The following ALCAM variants were observed in gnomAD, a reference collection of about 807,000 sequenced individuals.
ALCAM encodes activated leukocyte cell adhesion molecule, also known as CD166 antigen.
A neutral mutation model predicts 70.9 loss-of-function variants in ALCAM; 30 were observed. That is an observed-to-expected ratio of 0.42 (90% CI 0.32 to 0.57). The LOEUF (loss-of-function observed/expected upper bound fraction) is 0.57, where lower values mean the gene tolerates loss of function less well. Ranked by LOEUF, ALCAM falls within the 20% of genes least tolerant of loss-of-function variation. ALCAM has a pLI of 0.11. For synonymous variants in ALCAM, 249 were observed against 242.5 expected (o/e 1.03, Z -0.25); for missense variants, 591 against 695.1 (o/e 0.85, Z 1.68).
At position 105,547,046 on chromosome 3, in the gene ALCAM, A is replaced by G. The variant is rs1193359310; in HGVS notation, c.1105-103A>G. ...AGTTAAGAAAAAGAAGTTTGCATTT[A>G]TATTATTCCCAGAAGAATTGTTTTA... On this transcript the variant is annotated intron_variant, in intron 9 of 15. Transcript: ENST00000306107. The G allele has an allele frequency of 8.1e-6, 8 of 981,742 alleles. No homozygotes were observed. In the East Asian group the frequency reaches 2.0e-4, roughly 24 times the overall value. The allele number at this position is 981,742 out of a possible 1,614,324, so 60.8% of individuals were successfully genotyped here.
chr3:105,463,730 G>A (rs1937640053), intron 1 of ALCAM, among the ~76,000 whole-genome samples: 1 of 151,382 alleles, frequency 6.6e-6, no homozygotes, highest in East Asian at 1.9e-4. Flanking sequence ...CCCAGTGAAT[G>A]TGTTATAAAA....
At chr3:105,416,954 G>C (rs1207425618) in intron 1 of ALCAM, among the ~76,000 whole-genome samples, 1 of 151,866 alleles carries the variant, frequency 6.6e-6, no homozygotes, top group Non-Finnish European at 1.5e-5. Flanking sequence ...AAATGTCTCA[G>C]TAGCCTCTCA....
chr3:105,558,572 C>G lies in ALCAM; in HGVS notation c.1664+5987C>G, dbSNP rs925976851. 2.0e-5 allele frequency among the ~76,000 whole-genome samples: 3 copies of G among 152,090 alleles called. No homozygotes were observed. The East Asian group carries it at 5.8e-4, about 29-fold the overall frequency. ...GGGATACCCCCAAAGCAGTCCCCTACCCCTTTTGAGATTTCAAAACAAGTG... is the reference window on the plus strand; with the variant it reads ...GGGATACCCCCAAAGCAGTCCCCTAGCCCTTTTGAGATTTCAAAACAAGTG... On this transcript the variant is annotated intron_variant, in intron 14 of 15. Coordinates refer to ENST00000306107, the MANE Select transcript of ALCAM (RefSeq NM_001627.4).
rs772811599 is a variant in ALCAM at position 105,547,512 on chromosome 3, G to A, written c.1363G>A (p.Val455Ile). 33 of 1,606,706 alleles carry A rather than the reference G, an allele frequency of 2.1e-5. No homozygotes were observed. The highest frequency in any genetic ancestry group is 5.4e-5 in the African/African-American group (4 of 74,276). Residue 455 changes from valine (V) to isoleucine (I), a missense_variant, in exon 11 of 16, where the codon GTC (valine) becomes ATC (isoleucine). Transcript: ENST00000306107. ...ATGGACAATTACTGGCAGTGGAAGC[G>A]TCATAAACCAAGCAAGTATTTGTCT... ...IQWTITGSGS[V>I]INQTEESPYI...
At chr3:105,457,871 C>T (rs1004628544) in intron 1 of ALCAM, among the ~76,000 whole-genome samples, 2 of 152,122 alleles carry the variant, frequency 1.3e-5, no homozygotes, top group African/African-American at 4.8e-5. Flanking sequence ...CCACCACTCT[C>T]CACCTGGCTA....
At chr3:105,407,834 A>G (rs931413656) in intron 1 of ALCAM, among the ~76,000 whole-genome samples, 2 of 152,144 alleles carry the variant, frequency 1.3e-5, no homozygotes, top group African/African-American at 4.8e-5. Context: ...TTAAGATCCT[A>G]GAACTGGTAA....
At chr3:105,526,799 G>A (rs977368920) in intron 3 of ALCAM, among the ~76,000 whole-genome samples, 2 of 152,132 alleles carry the variant, frequency 1.3e-5, no homozygotes, top group African/African-American at 4.8e-5. Context: ...TTCATTCTCT[G>A]CATGTGTATA....
chr3:105,507,168 G>A (rs181083055), intron 1 of ALCAM, among the ~76,000 whole-genome samples: 23 of 152,126 alleles, frequency 1.5e-4, no homozygotes, highest in Admixed American at 3.9e-4. Context: ...ATATAGGCCC[G>A]CAATTCCCTG....
At chr3:105,425,015 C>T (rs907020665) in intron 1 of ALCAM, among the ~76,000 whole-genome samples, 1 of 151,614 alleles carries the variant, frequency 6.6e-6, no homozygotes, top group Non-Finnish European at 1.5e-5. Context: ...GGTCCTTACT[C>T]TCAATTTCAC....
At chr3:105,476,629 A>C (rs371181551) in intron 1 of ALCAM, among the ~76,000 whole-genome samples, 80 of 152,204 alleles carry the variant, frequency 5.3e-4, no homozygotes, top group African/African-American at 1.4e-3. Context: ...CAAACAACAA[A>C]AAAAAATCCT....
Position 105,521,307 on chromosome 3 carries a change from CAAAAAAA to C in ALCAM, c.174+1159_174+1165del, listed in dbSNP as rs3996196. Among the ~76,000 whole-genome samples the C allele has an allele frequency of 9.7e-4, 76 of 78,146 alleles. 1 individual carries two copies. The highest frequency in any genetic ancestry group is 1.5e-3 in the Admixed American group (9 of 5,950). The allele number at this position is 78,146 out of a possible 152,430, so 51.3% of individuals were successfully genotyped here. Reference sequence around the variant, plus strand: ...TGGGCGACAGAGCGAGACTCCGTCTCAAAAAAAAAAAAAAAAAAAAAAAAAGTTTATT... The same window carrying C: ...TGGGCGACAGAGCGAGACTCCGTCTCAAAAAAAAAAAAAAAAAAGTTTATT... On this transcript the variant is annotated intron_variant, in intron 2 of 15. Coordinates refer to ENST00000306107, the MANE Select transcript of ALCAM (RefSeq NM_001627.4).
chr3:105,490,092 T>TA (rs1387784012), intron 1 of ALCAM, among the ~76,000 whole-genome samples: 8 of 152,322 alleles, frequency 5.3e-5, no homozygotes, highest in East Asian at 1.9e-4. Flanking sequence ...GAAGTGAGGC[T>TA]AAAAAAATGT....
intron 1 of ALCAM, among the ~76,000 whole-genome samples, chr3:105,510,628 C>T (rs1939211541): frequency 6.6e-6 from 1 of 151,982 alleles, no homozygotes; most frequent in Non-Finnish European, 1.5e-5. Context: ...TGTGGGAAAC[C>T]ATCTGAGAGC....
intron 1 of ALCAM, among the ~76,000 whole-genome samples, chr3:105,445,795 G>C (rs957504225): frequency 2.0e-5 from 3 of 152,204 alleles, no homozygotes; most frequent in Non-Finnish European, 4.4e-5. Context: ...AATGAAGCTA[G>C]ACCTCTATCT....
chr3:105,531,669 A>G (rs1939842627), intron 3 of ALCAM, among the ~76,000 whole-genome samples: 1 of 151,944 alleles, frequency 6.6e-6, no homozygotes, highest in South Asian at 2.1e-4. Context: ...AGAAGTGCTC[A>G]TGGTAATCAA....
chr3:105,389,375 T>TTTG (rs1288604239), intron 1 of ALCAM, among the ~76,000 whole-genome samples: 9 of 125,544 alleles, frequency 7.2e-5, no homozygotes, highest in East Asian at 2.5e-4. Flanking sequence ...TACATAGTTT[T>TTTG]TTTTTTTTTT....
chr3:105,526,929 A>G (rs1227840038), intron 3 of ALCAM, among the ~76,000 whole-genome samples: 1 of 152,206 alleles, frequency 6.6e-6, no homozygotes, highest in Non-Finnish European at 1.5e-5. Context: ...AGCCAGTCTC[A>G]GATCAGGCTG....
chr3:105,572,713 G>A (rs577675814), intron 15 of ALCAM, among the ~76,000 whole-genome samples: 111 of 152,220 alleles, frequency 7.3e-4, no homozygotes, highest in South Asian at 6.8e-3. Context: ...GTGTAAAAGC[G>A]TTCCTATTTT....
At chr3:105,419,929 A>T (rs116688574) in intron 1 of ALCAM, among the ~76,000 whole-genome samples, 693 of 151,924 alleles carry the variant, frequency 4.6e-3, no homozygotes, top group African/African-American at 0.016. Context: ...TTGAGTGCCT[A>T]CTGTGTGCCT....
Sources: gnomAD v4.1 joint callset for allele counts (sites outside exome capture counted in the v4.1 genomes callset) on GRCh38, gnomAD v4.1.1 for gene constraint, MANE v1.5 for transcripts, NCBI Gene and HGNC (gene_info 2026-07-23, HGNC 2026-07-21) for gene names.